The following KNDC1 variants were observed in gnomAD, a reference collection of about 807,000 sequenced individuals.
KNDC1 encodes the protein kinase non-catalytic C-lobe domain containing 1.
KNDC1 carries 106 observed loss-of-function variants against 172.8 expected under a neutral mutation model. The observed-to-expected ratio is 0.61, with a 90% CI of 0.52 to 0.72. The LOEUF is 0.72. Among genes scored for constraint, KNDC1 ranks in the 30% least tolerant of loss-of-function variants. The pLI is 0.00. For missense variants in KNDC1, 2,325 were observed against 2,394.5 expected, an observed-to-expected ratio of 0.97 and a Z score of 0.61; for synonymous variants, 1,083 against 1,062.2, an observed-to-expected ratio of 1.02 and a Z score of -0.38.
At position 133,219,038 on chromosome 10, in the gene KNDC1, G is replaced by T; in HGVS notation, c.4808G>T (p.Arg1603Ile). Residue 1603 changes from arginine (R) to isoleucine (I), a missense_variant, in exon 28 of 30, where the codon AGA (arginine) becomes ATA (isoleucine). Physicochemically the swap from Arg to Ile is moderately conservative, Grantham distance 97. Coordinates refer to ENST00000304613, the MANE Select transcript of KNDC1 (RefSeq NM_152643.8). ...HLAVRQSPAWRILPAKIAEVM... is the reference protein window; with the variant it reads ...HLAVRQSPAWIILPAKIAEVM... Reference sequence around the variant, plus strand: ...CCTGTGCTTTCATTTCAGGCCTGGAGAATTCTGCCTGCAAAGATAGCAGAG... The same window carrying T: ...CCTGTGCTTTCATTTCAGGCCTGGATAATTCTGCCTGCAAAGATAGCAGAG... The T allele has an allele frequency of 1.2e-6, 2 of 1,614,060 alleles. No homozygotes were observed.
chr10:133,223,590 CGTGT>C (rs1199785238), intron 29 of KNDC1, among the ~76,000 whole-genome samples: 32 of 42,640 alleles, frequency 7.5e-4, no homozygotes, highest in African/African-American at 3.6e-3. Flanking sequence ...CTCTTCCCGG[CGTGT>C]GTGTGTGTGT....
chr10:133,185,706 C>T (rs941156813), intron 5 of KNDC1, among the ~76,000 whole-genome samples: 6 of 150,538 alleles, frequency 4.0e-5, no homozygotes, highest in African/African-American at 1.5e-4. Flanking sequence ...AGGGAAGCCC[C>T]GCCTGGCCTG....
At position 133,175,690 on chromosome 10, in the gene KNDC1, G is replaced by A. The variant is rs373407753; in HGVS notation, c.360+7378G>A. On this transcript the variant is annotated intron_variant, in intron 3 of 29. Transcript: ENST00000304613. ...GGAGGATGGGTAGGTGGGTGGATGGGTGGATGAACAGTCGGATAGGGATGG... is the reference window on the plus strand; with the variant it reads ...GGAGGATGGGTAGGTGGGTGGATGGATGGATGAACAGTCGGATAGGGATGG... Among the ~76,000 whole-genome samples, 25 of 151,312 alleles carry A rather than the reference G, an allele frequency of 1.7e-4. No homozygotes were observed. In the South Asian group the frequency reaches 4.4e-3, roughly 27 times the overall value.
chr10:133,185,178 G>A (rs1205413934), intron 5 of KNDC1, among the ~76,000 whole-genome samples: 1 of 122,952 alleles, frequency 8.1e-6, no homozygotes, highest in African/African-American at 2.6e-5. Flanking sequence ...AGTAGGCAGT[G>A]TGTGCAGTGT....
At chr10:133,195,593 G>A in intron 9 of KNDC1, 70 bp from the exon 10 acceptor site, 1 of 1,406,626 alleles carries the variant, frequency 7.1e-7, no homozygotes, top group Non-Finnish European at 9.3e-7. Flanking sequence ...GGTGCCTGAG[G>A]TGGGCAGGTC....
In KNDC1 at chr10:133,222,512, CCCATCCAGGCATGCTCTTCCCGGCGTGT is replaced by C. The variant is rs1845624245; in HGVS notation, c.5019-2146_5019-2119del. ...CCCGGTGTGTGTGTGTGTGTGTGAG[CCCATCCAGGCATGCTCTTCCCGGCGTGT>C]GTGTGTGTGAGAGCCCATCCAGGCA... On this transcript the variant is annotated intron_variant, in intron 29 of 29. Coordinates refer to ENST00000304613, the MANE Select transcript of KNDC1 (RefSeq NM_152643.8). Among the ~76,000 whole-genome samples the C allele has an allele frequency of 5.0e-5, 3 of 59,588 alleles. No individual in the cohort carries two copies. The East Asian group carries it at 1.0e-3, about 21-fold the overall frequency. The allele number at this position is 59,588 out of a possible 152,430, so 39.1% of individuals were successfully genotyped here.
intron 1 of KNDC1, among the ~76,000 whole-genome samples, chr10:133,165,979 G>A (rs1356124829): frequency 1.3e-5 from 2 of 152,216 alleles, no homozygotes; most frequent in Non-Finnish European, 1.5e-5. Flanking sequence ...AGGACCCCAC[G>A]AACAGACGCA....
chr10:133,210,479 C>T (rs763451004), intron 20 of KNDC1, 132 bp from the exon 21 acceptor site: 79 of 586,638 alleles, frequency 1.3e-4, no homozygotes, highest in African/African-American at 2.2e-4. Flanking sequence ...TTAATTTCTC[C>T]GGGGATTCTC....
rs575041581 is a variant in KNDC1, at chr10:133,161,980, G to T, written c.102+1411G>T. ...GTCTTTCTGCACACTCCCCACTCCC[G>T]CTCCCCACCCCCACGCACACACCAG... is the stretch of plus-strand genomic sequence containing the variant. On this transcript the variant is annotated intron_variant, in intron 1 of 29. Transcript: ENST00000304613. Among the ~76,000 whole-genome samples, 880 of 152,078 alleles carry T rather than the reference G, an allele frequency of 5.8e-3. 11 individuals carry two copies. The highest frequency in any genetic ancestry group is 0.02 in the African/African-American group (832 of 41,506).
rs1409403314 is a variant in KNDC1, at chr10:133,201,685, C to T, written c.3174C>T (p.Gly1058=). Residue 1058 remains glycine (G), a synonymous_variant, in exon 17 of 30, where the codon GGC becomes GGT. Coordinates refer to ENST00000304613, the MANE Select transcript of KNDC1 (RefSeq NM_152643.8). ...PEAGEDRRPA[G]GASDVEAVTR... ...CTGGCGAGGACAGACGGCCAGCTGG[C>T]GGGGCCTCAGACGTGGAGGCAGTGA... is the stretch of plus-strand genomic sequence containing the variant. The T allele has an allele frequency of 6.2e-6, 10 of 1,612,040 alleles. No homozygotes were observed. The highest frequency in any genetic ancestry group is 1.1e-5 in the South Asian group (1 of 90,988).
At chr10:133,169,658 G>A (rs528124715) in intron 3 of KNDC1, among the ~76,000 whole-genome samples, 22 of 152,256 alleles carry the variant, frequency 1.4e-4, no homozygotes, top group South Asian at 4.1e-4. Flanking sequence ...TGGCCGTGAC[G>A]CGGCACGTGG....
chr10:133,216,680 T>C (rs1401689882), intron 26 of KNDC1, among the ~76,000 whole-genome samples: 1 of 151,738 alleles, frequency 6.6e-6, no homozygotes, highest in Non-Finnish European at 1.5e-5. Context: ...TCAAAAAAAA[T>C]AAAAAATAAA....
At chr10:133,220,977 C>T (rs908116581) in intron 29 of KNDC1, among the ~76,000 whole-genome samples, 3 of 152,118 alleles carry the variant, frequency 2.0e-5, no homozygotes, top group East Asian at 1.9e-4. Flanking sequence ...TCAGACCTCC[C>T]TCTACCCAAG....
intron 21 of KNDC1, 143 bp from the exon 22 acceptor site, chr10:133,211,278 CG>C: frequency 1.4e-6 from 1 of 716,474 alleles, no homozygotes; most frequent in South Asian, 2.0e-5. Flanking sequence ...GAGGGACCCA[CG>C]GAAGACCCCC....
At chr10:133,204,085 G>A (rs1248107209) in intron 17 of KNDC1, among the ~76,000 whole-genome samples, 2 of 152,056 alleles carry the variant, frequency 1.3e-5, no homozygotes, top group Admixed American at 6.5e-5. Context: ...GCCTGGCGCC[G>A]GTGACCTCCG....
chr10:133,169,089 A>G (rs933868068), intron 3 of KNDC1, among the ~76,000 whole-genome samples: 2 of 152,246 alleles, frequency 1.3e-5, no homozygotes, highest in Non-Finnish European at 2.9e-5. Context: ...TCCTTAACAA[A>G]TAAGTAACTA....
Position 133,186,437 on chromosome 10 carries a change from G to A in KNDC1, c.1089G>A (p.Leu363=), listed in dbSNP as rs1853920447. The change falls in exon 6 of 30, where the codon CTG becomes CTA. Residue 363 remains leucine, a synonymous_variant. Coordinates refer to ENST00000304613, the MANE Select transcript of KNDC1 (RefSeq NM_152643.8). Reference sequence around the variant, plus strand: ...TCCAGGCTCAGCCCAAATGCAGGCTGTGGCCGGAGCAGGAGCCGGAACACC... The same window carrying A: ...TCCAGGCTCAGCCCAAATGCAGGCTATGGCCGGAGCAGGAGCCGGAACACC... ...SSFQAQPKCR[L]WPEQEPEHQL... 6 of 1,612,636 alleles carry A rather than the reference G, an allele frequency of 3.7e-6. No individual in the cohort carries two copies. The highest frequency in any genetic ancestry group is 5.1e-6 in the Non-Finnish European group (6 of 1,179,874).
At chr10:133,170,321 G>A (rs1354882565) in intron 3 of KNDC1, among the ~76,000 whole-genome samples, 1 of 152,294 alleles carries the variant, frequency 6.6e-6, no homozygotes, top group Non-Finnish European at 1.5e-5. Context: ...GAGGATCGCT[G>A]GCTCCTGCAG....
At chr10:133,181,354 A>C (rs1853711693) in intron 3 of KNDC1, among the ~76,000 whole-genome samples, 1 of 152,214 alleles carries the variant, frequency 6.6e-6, no homozygotes, top group Admixed American at 6.5e-5. Flanking sequence ...TCCCCCCCGG[A>C]TGGCACAGGA....
Sources: gnomAD v4.1 joint callset for allele counts (sites outside exome capture counted in the v4.1 genomes callset) on GRCh38, gnomAD v4.1.1 for gene constraint, MANE v1.5 for transcripts, NCBI Gene and HGNC (gene_info 2026-07-23, HGNC 2026-07-21) for gene names.